Variants in CAPN13 observed in about 807,000 individuals in gnomAD.
The protein encoded by CAPN13 is calpain-13.
A neutral mutation model predicts 98.4 loss-of-function variants in CAPN13; 90 were observed. The observed-to-expected ratio is 0.92, with a 90% CI of 0.77 to 1.09. The LOEUF (loss-of-function observed/expected upper bound fraction) is 1.09, where lower values mean the gene tolerates loss of function less well. CAPN13 is among the 50% of genes least tolerant of loss of function. The pLI, the probability that CAPN13 is intolerant of heterozygous loss-of-function variation, is 0.00. For missense variants in CAPN13, 887 were observed against 841.3 expected, an observed-to-expected ratio of 1.05 and a Z score of -0.67; for synonymous variants, 330 against 305.5, an observed-to-expected ratio of 1.08 and a Z score of -0.84.
At chr2:30,746,519 G>A (rs2253243) in intron 11 of CAPN13, 42,493 of 159,210 alleles carry the variant, frequency 0.27, 6,420 homozygotes, top group Non-Finnish European at 0.32. Flanking sequence ...CACCAATAGC[G>A]TGGTAGAACT....
chr2:30,753,776 A>G (rs148078691), intron 9 of CAPN13, among the ~76,000 whole-genome samples: 1 of 152,290 alleles, frequency 6.6e-6, no homozygotes, highest in African/African-American at 2.4e-5. Flanking sequence ...CAACCCTCTG[A>G]GGAATGTACA....
chr2:30,758,676 C>T (rs1019603002), intron 7 of CAPN13, among the ~76,000 whole-genome samples: 7 of 152,148 alleles, frequency 4.6e-5, no homozygotes, highest in Non-Finnish European at 8.8e-5. Context: ...GCTAGCCCTC[C>T]TCGTCCTGCA....
chr2:30,752,567 C>T (rs1006377904), intron 10 of CAPN13, among the ~76,000 whole-genome samples: 3 of 152,152 alleles, frequency 2.0e-5, no homozygotes, highest in African/African-American at 7.2e-5. Flanking sequence ...CTAGGTAGTG[C>T]TCTCTAGGCT....
chr2:30,765,820 G>A (rs1204857845), intron 5 of CAPN13, among the ~76,000 whole-genome samples: 2 of 152,250 alleles, frequency 1.3e-5, no homozygotes, highest in African/African-American at 4.8e-5. Context: ...TTCCCAGAAC[G>A]AAGGGGCATC....
At chr2:30,743,623 G>A (rs1353560364) in intron 12 of CAPN13, 44 bp from the exon 13 acceptor site, 1 of 1,574,376 alleles carries the variant, frequency 6.4e-7, no homozygotes, top group African/African-American at 1.3e-5. Flanking sequence ...AGCCTCCTCT[G>A]TGCATGGACC....
chr2:30,760,300 T>G (rs13393465), intron 7 of CAPN13, among the ~76,000 whole-genome samples: 1 of 151,952 alleles, frequency 6.6e-6, no homozygotes, highest in East Asian at 1.9e-4. Flanking sequence ...TTAGCCAGGA[T>G]GGATACGCAG....
intron 1 of CAPN13, among the ~76,000 whole-genome samples, chr2:30,804,197 G>C (rs1289671893): frequency 1.3e-5 from 2 of 152,128 alleles, no homozygotes; most frequent in African/African-American, 4.8e-5. Flanking sequence ...CTTTCTCAGA[G>C]CCTGTTCTGT....
chr2:30,797,110 G>A (rs540567677), intron 1 of CAPN13, among the ~76,000 whole-genome samples: 1 of 152,140 alleles, frequency 6.6e-6, no homozygotes, highest in Non-Finnish European at 1.5e-5. Flanking sequence ...CCCCTTCCTG[G>A]TCAGAGATCT....
Position 30,770,367 on chromosome 2 carries a change from G to A in CAPN13, c.470C>T (p.Pro157Leu). The A allele has an allele frequency of 6.2e-7, 1 of 1,613,998 alleles. No homozygotes were observed. The highest frequency in any genetic ancestry group is 1.1e-5 in the South Asian group (1 of 91,080). ...VQGDKCLFVR[P>L]RHQNQEFWPC... ...CCAGAACTCTTGGTTTTGGTGGCGA[G>A]GACGCACAAAGAGGCATTTATCTCC... Residue 157 changes from proline (P) to leucine (L), a missense_variant, in exon 5 of 23, where the codon CCT (proline) becomes CTT (leucine). Transcript: ENST00000295055.
chr2:30,785,635 G>A (rs1458681972), intron 2 of CAPN13, among the ~76,000 whole-genome samples: 1 of 152,124 alleles, frequency 6.6e-6, no homozygotes, highest in Non-Finnish European at 1.5e-5. Context: ...CACAAGTTGA[G>A]TTGTTGTGAG....
intron 8 of CAPN13, among the ~76,000 whole-genome samples, chr2:30,756,950 C>T (rs1190586437): frequency 6.6e-6 from 1 of 152,196 alleles, no homozygotes; most frequent in African/African-American, 2.4e-5. Flanking sequence ...CCCAGGGGTG[C>T]CAAGGTCATG....
chr2:30,731,451 C>T lies in CAPN13; in HGVS notation c.1928-52G>A, dbSNP rs150994700. On this transcript the variant is annotated intron_variant, in intron 20 of 22. Transcript: ENST00000295055. ...CTGACTGAGGAGGAAGGAATCCAGG[C>T]AGTTCAGGGGAGGCAGGCCTGGGCC... 1.9e-6 allele frequency: 3 copies of T among 1,541,586 alleles called. No homozygotes were observed. The African/African-American group carries it at 4.1e-5, about 21-fold the overall frequency.
intron 4 of CAPN13, among the ~76,000 whole-genome samples, chr2:30,775,359 A>C (rs1166974084): frequency 1.3e-5 from 2 of 152,244 alleles, no homozygotes; most frequent in Non-Finnish European, 2.9e-5. Context: ...TTCTGAATAA[A>C]TGGAAAGGTA....
intron 1 of CAPN13, among the ~76,000 whole-genome samples, chr2:30,789,877 G>T (rs1211722762): frequency 6.6e-6 from 1 of 152,240 alleles, no homozygotes; most frequent in African/African-American, 2.4e-5. Flanking sequence ...GGCTTGCAGG[G>T]TGAGGACCAG....
chr2:30,741,814 C>G (rs767175104), intron 15 of CAPN13, 94 bp downstream of exon 15: 47 of 1,597,112 alleles, frequency 2.9e-5, no homozygotes, highest in Non-Finnish European at 4.0e-5. Context: ...CACTTCTCCT[C>G]TCTGCATCCC....
Position 30,743,467 on chromosome 2 carries a change from C to T in CAPN13, c.1361G>A (p.Gly454Glu). Residue 454 changes from glycine to glutamate, a missense_variant, in exon 13 of 23, where the codon GGG (glycine) becomes GAG (glutamate). Coordinates refer to ENST00000295055, the MANE Select transcript of CAPN13 (RefSeq NM_144575.3). ...TGTCTGTGCAACCACAACATAGTTC[C>T]CAGGGCTCAGATGGTAAGTCATGGT... ...NFTMTYHLSP[G>E]NYVVVAQTRR... The T allele has an allele frequency of 6.2e-7, 1 of 1,613,954 alleles. No homozygotes were observed. The highest frequency in any genetic ancestry group is 8.5e-7 in the Non-Finnish European group (1 of 1,179,870).
chr2:30,795,530 T>C lies in CAPN13; in HGVS notation c.-32-8173A>G, dbSNP rs192012488. Among the ~76,000 whole-genome samples the C allele has an allele frequency of 5.5e-3, 835 of 152,212 alleles. 12 individuals carry two copies. The highest frequency in any genetic ancestry group is 0.019 in the African/African-American group (805 of 41,568). ...TGGTAAAATTGAGCATCTCTCAATA[T>C]GTTTATTCTCCATTCATGTTCCCTC... On this transcript the variant is annotated intron_variant, in intron 1 of 22. Transcript: ENST00000295055.
intron 1 of CAPN13, among the ~76,000 whole-genome samples, chr2:30,791,278 CT>C (rs1674595571): frequency 6.6e-6 from 1 of 152,166 alleles, no homozygotes; most frequent in Non-Finnish European, 1.5e-5. Context: ...ATGAGGGCTC[CT>C]TAATGGGAGA....
intron 9 of CAPN13, among the ~76,000 whole-genome samples, chr2:30,754,068 A>G (rs975060048): frequency 2.6e-5 from 4 of 152,188 alleles, no homozygotes; most frequent in Admixed American, 2.0e-4. Context: ...AATGTCCTGG[A>G]AAGTTCAGCA....
Sources: allele counts gnomAD v4.1 joint callset (sites outside exome capture counted in the v4.1 genomes callset), GRCh38; gene constraint gnomAD v4.1.1; transcripts MANE v1.5; gene names NCBI Gene and HGNC (gene_info 2026-07-23, HGNC 2026-07-21).